The following MTUS1 variants were observed in gnomAD, a reference collection of about 807,000 sequenced individuals.
MTUS1 encodes the protein microtubule-associated tumor suppressor 1.
MTUS1 carries 109 observed loss-of-function variants against 120.8 expected under a neutral mutation model. That is an observed-to-expected ratio of 0.90 (90% CI 0.77 to 1.06). MTUS1 has a LOEUF of 1.06. MTUS1 is among the 50% of genes least tolerant of loss of function. The pLI is 0.00. For synonymous variants in MTUS1, 737 were observed against 550.5 expected, an observed-to-expected ratio of 1.34 and a Z score of -4.74; for missense variants, 2,210 against 1,486.3, an observed-to-expected ratio of 1.49 and a Z score of -8.01.
In MTUS1 at chr8:17,676,341, T is replaced by C. The variant is rs532117696; in HGVS notation, c.2839-1089A>G. On this transcript the variant is annotated intron_variant, in intron 7 of 14. Transcript: ENST00000693296. ...CTGGGGCAGCCCATTTTCCAGCTTC[T>C]GTCTCCAAGTCCCCCCACCCCTCGC... 2.6e-5 allele frequency: 18 copies of C among 703,034 alleles called. No homozygotes were observed. In the East Asian group the frequency reaches 4.6e-4, roughly 18 times the overall value. 43.5% of individuals were successfully genotyped at this position (703,034 alleles called of 1,614,324 possible). A position where few individuals can be genotyped will look rare whatever the true frequency, so the allele number is the denominator to read the frequency against.
intron 5 of MTUS1, among the ~76,000 whole-genome samples, chr8:17,713,706 C>A (rs952264374): frequency 6.6e-6 from 1 of 152,154 alleles, no homozygotes; most frequent in Non-Finnish European, 1.5e-5. Flanking sequence ...TTCCTCCAAA[C>A]TGATAAAATA....
intron 8 of MTUS1, among the ~76,000 whole-genome samples, chr8:17,659,212 G>A (rs1232809723): frequency 2.0e-5 from 3 of 152,088 alleles, no homozygotes; most frequent in Admixed American, 1.3e-4. Context: ...CTACCAAGCT[G>A]TTTCTTGTGC....
chr8:17,750,414 AAAGT>A (rs2048099110), intron 2 of MTUS1, among the ~76,000 whole-genome samples: 1 of 152,248 alleles, frequency 6.6e-6, no homozygotes, highest in South Asian at 2.1e-4. Flanking sequence ...CTTCTTTTAA[AAAGT>A]AAGGCAAACT....
chr8:17,708,568 T>C (rs1022220566), intron 6 of MTUS1, among the ~76,000 whole-genome samples: 1 of 152,240 alleles, frequency 6.6e-6, no homozygotes, highest in African/African-American at 2.4e-5. Flanking sequence ...AACACAGAGC[T>C]ACCAATTGAG....
chr8:17,709,412 G>A (rs2130983608), intron 6 of MTUS1, among the ~76,000 whole-genome samples: 1 of 152,172 alleles, frequency 6.6e-6, no homozygotes, highest in African/African-American at 2.4e-5. Flanking sequence ...TGTGATTCAT[G>A]TCTATTTGAG....
chr8:17,687,861 T>C (rs983274558), intron 6 of MTUS1, among the ~76,000 whole-genome samples: 6 of 152,224 alleles, frequency 3.9e-5, no homozygotes, highest in South Asian at 4.1e-4. Context: ...TCATGTATCA[T>C]CTTCTTAAAG....
Position 17,754,502 on chromosome 8 carries a change from T to G in MTUS1, c.1306A>C (p.Thr436Pro). ...MCMSTPVLEPTKVTFSVSPIE... is the reference protein window; with the variant it reads ...MCMSTPVLEPPKVTFSVSPIE... ...GGTGAAACAGAAAAGGTTACTTTTG[T>G]GGGTTCTAGGACTGGTGTTGACATG... Residue 436 changes from threonine (T) to proline (P), a missense_variant, in exon 2 of 15, where the codon ACA becomes CCA. Thr to Pro is a conservative substitution (Grantham distance 38). Coordinates refer to ENST00000693296, the MANE Select transcript of MTUS1 (RefSeq NM_001363059.2). 6.2e-7 allele frequency: 1 copy of G among 1,614,224 alleles called. No homozygotes were observed. The highest frequency in any genetic ancestry group is 8.5e-7 in the Non-Finnish European group (1 of 1,180,034).
rs75383511 is a variant in MTUS1, at chr8:17,723,785, G to A, written c.2336C>T (p.Pro779Leu). The change falls in exon 4 of 15, where the codon CCT becomes CTT. Residue 779 changes from proline to leucine, a missense_variant. By Grantham distance (98) the Pro-to-Leu change is moderately conservative. Coordinates refer to ENST00000693296, the MANE Select transcript of MTUS1 (RefSeq NM_001363059.2). ...KTAQSSWVNL[P>L]RPLPKSKASL... ...TGCTTTGGATTTAGGAAGTGGTCTA[G>A]GCAAATTCACCCATGACGACTGTGC... 7.5e-6 allele frequency: 12 copies of A among 1,609,330 alleles called. No homozygotes were observed. Among genetic ancestry groups the A allele is most frequent in the Non-Finnish European group, 1.0e-5 (12 of 1,177,130 alleles).
In MTUS1 at chr8:17,644,442, G is replaced by A. The variant is rs1281167219; in HGVS notation, c.*1484C>T. On this transcript the variant is annotated 3_prime_UTR_variant, in exon 15 of 15. Coordinates refer to ENST00000693296, the MANE Select transcript of MTUS1 (RefSeq NM_001363059.2). ...ATCACAATGTTGACACATGCAGGGA[G>A]GGGGAGATAAAGCAACAGTTCTTCC... 1 of 151,688 alleles carries A rather than the reference G, an allele frequency of 6.6e-6. No homozygotes were observed. Among genetic ancestry groups the A allele is most frequent in the South Asian group, 2.2e-4 (1 of 4,644 alleles). 9.4% of individuals were successfully genotyped at this position (151,688 alleles called of 1,614,324 possible). A position where few individuals can be genotyped will look rare whatever the true frequency, so the allele number is the denominator to read the frequency against.
At chr8:17,655,048 A>G in intron 9 of MTUS1, 1 of 195,708 alleles carries the variant, frequency 5.1e-6, no homozygotes, top group Non-Finnish European at 1.1e-5. Flanking sequence ...GACAGATGGA[A>G]ATGGCTGCAT....
At chr8:17,796,457 G>A (rs906784170) in intron 1 of MTUS1, among the ~76,000 whole-genome samples, 8 of 152,148 alleles carry the variant, frequency 5.3e-5, no homozygotes, top group African/African-American at 1.7e-4. Context: ...TTCCAAGTTC[G>A]ACCTTGTTCA....
chr8:17,773,558 G>A (rs1420818983), intron 1 of MTUS1, among the ~76,000 whole-genome samples: 1 of 152,118 alleles, frequency 6.6e-6, no homozygotes, highest in Admixed American at 6.5e-5. Flanking sequence ...ACACAAAACT[G>A]GTGTCTGGTA....
At chr8:17,694,442 A>G (rs1585746402) in intron 6 of MTUS1, among the ~76,000 whole-genome samples, 1 of 152,108 alleles carries the variant, frequency 6.6e-6, no homozygotes, top group Non-Finnish European at 1.5e-5. Context: ...GAGGCAGGCG[A>G]ATTGCCTGAG....
chr8:17,797,789 C>T (rs1396048761), intron 1 of MTUS1, among the ~76,000 whole-genome samples: 3 of 152,164 alleles, frequency 2.0e-5, no homozygotes, highest in South Asian at 2.1e-4. Flanking sequence ...CTTACTCTTA[C>T]GCTCTAAGCT....
At chr8:17,743,283 T>G (rs2047475468) in intron 3 of MTUS1, among the ~76,000 whole-genome samples, 1 of 152,220 alleles carries the variant, frequency 6.6e-6, no homozygotes, top group South Asian at 2.1e-4. Flanking sequence ...ACTTCAGCAT[T>G]GTTAAGCACT....
chr8:17,774,950 G>A (rs2050294533), intron 1 of MTUS1, among the ~76,000 whole-genome samples: 1 of 112,540 alleles, frequency 8.9e-6, no homozygotes, highest in African/African-American at 3.3e-5. Flanking sequence ...CAACATGGCT[G>A]AACCCTGAAA....
Position 17,764,433 on chromosome 8 carries a change from C to G in MTUS1, c.-154-8472G>C, listed in dbSNP as rs1339283495. On this transcript the variant is annotated intron_variant, in intron 1 of 14. Coordinates refer to ENST00000693296, the MANE Select transcript of MTUS1 (RefSeq NM_001363059.2). ...AAAAAAAAAGGTAATTTCTATGTAC[C>G]TGCAATTTTATGAAAGAAAACCCAT... Among the ~76,000 whole-genome samples the G allele has an allele frequency of 5.9e-5, 9 of 151,600 alleles. No homozygotes were observed. The East Asian group carries it at 1.5e-3, about 26-fold the overall frequency.
intron 8 of MTUS1, among the ~76,000 whole-genome samples, chr8:17,664,296 AAAAAG>A (rs1484865482): frequency 2.0e-5 from 3 of 152,310 alleles, no homozygotes; most frequent in Non-Finnish European, 4.4e-5. Context: ...CTAAAATATA[AAAAAG>A]AAAAGTGCCA....
At chr8:17,750,016 G>T (rs2048068015) in intron 2 of MTUS1, among the ~76,000 whole-genome samples, 1 of 152,202 alleles carries the variant, frequency 6.6e-6, no homozygotes, top group South Asian at 2.1e-4. Flanking sequence ...ACTTTGCCCA[G>T]TAAATGGTGG....
Sources: gnomAD v4.1 joint callset for allele counts (sites outside exome capture counted in the v4.1 genomes callset) on GRCh38, gnomAD v4.1.1 for gene constraint, MANE v1.5 for transcripts, NCBI Gene and HGNC (gene_info 2026-07-23, HGNC 2026-07-21) for gene names.